Variants in PLCB1 observed in about 807,000 individuals in gnomAD.
PLCB1 encodes the protein phospholipase C beta 1, also known as 1-phosphatidylinositol 4,5-bisphosphate phosphodiesterase beta-1.
Under a neutral mutation model 161.8 loss-of-function variants are expected in PLCB1, and 46 were observed. The ratio of observed to expected loss-of-function variants is 0.28; its 90% CI spans 0.22 to 0.36. The LOEUF is 0.36. Among genes scored for constraint, PLCB1 ranks in the 10% least tolerant of loss-of-function variants. The pLI is 1.00. For synonymous variants in PLCB1, 517 were observed against 503.7 expected (o/e 1.03, Z -0.35); for missense variants, 1,016 against 1,472.5 (o/e 0.69, Z 5.07).
At chr20:8,784,049 C>G (rs1448110877) in intron 27 of PLCB1, among the ~76,000 whole-genome samples, 1 of 152,190 alleles carries the variant, frequency 6.6e-6, no homozygotes, top group African/African-American at 2.4e-5. Flanking sequence ...AGGTGTACCT[C>G]ACATCCTCTC....
chr20:8,199,211 A>T (rs2052063112), intron 2 of PLCB1, among the ~76,000 whole-genome samples: 1 of 152,068 alleles, frequency 6.6e-6, no homozygotes, highest in African/African-American at 2.4e-5. Flanking sequence ...GATGATCTGT[A>T]CCTGATTTAA....
chr20:8,489,237 T>C (rs1246673109), intron 3 of PLCB1, among the ~76,000 whole-genome samples: 1 of 152,176 alleles, frequency 6.6e-6, no homozygotes, highest in Non-Finnish European at 1.5e-5. Flanking sequence ...AGTAAACGTC[T>C]ATACACCAGA....
At chr20:8,840,274 T>C (rs1986449423) in intron 31 of PLCB1, among the ~76,000 whole-genome samples, 1 of 152,044 alleles carries the variant, frequency 6.6e-6, no homozygotes, top group Non-Finnish European at 1.5e-5. Flanking sequence ...AGTCAGCCAA[T>C]CTAGAAATAG....
In PLCB1 at chr20:8,827,888, T is replaced by C. The variant is rs73605721; in HGVS notation, c.3423+37627T>C. On this transcript the variant is annotated intron_variant, in intron 31 of 31. Coordinates refer to ENST00000338037, the MANE Select transcript of PLCB1 (RefSeq NM_015192.4). Reference sequence around the variant, plus strand: ...CAGCCATGTGCATTCTGTTATGCATTGTCTATGTGTTCACACTACAACAGC... The same window carrying C: ...CAGCCATGTGCATTCTGTTATGCATCGTCTATGTGTTCACACTACAACAGC... Among the ~76,000 whole-genome samples, 638 of 152,382 alleles carry C rather than the reference T, an allele frequency of 4.2e-3. 9 individuals carry two copies. The highest frequency in any genetic ancestry group is 0.014 in the African/African-American group (579 of 41,594).
At chr20:8,723,306 C>T (rs1271397016) in intron 15 of PLCB1, among the ~76,000 whole-genome samples, 2 of 152,120 alleles carry the variant, frequency 1.3e-5, no homozygotes, top group African/African-American at 2.4e-5. Flanking sequence ...AATTTCTGAT[C>T]AGTGATTCTA....
At chr20:8,509,763 TAGATAGATAG>T (rs1228311923) in intron 3 of PLCB1, among the ~76,000 whole-genome samples, 1 of 151,924 alleles carries the variant, frequency 6.6e-6, no homozygotes, top group Non-Finnish European at 1.5e-5. Context: ...GATAGATAGA[TAGATAGATAG>T]ATAGATAGAT....
rs531467461 is a variant in PLCB1 at position 8,401,927 on chromosome 20, T to G, written c.246+30477T>G. ...ATAATGTTTACCATAATATCTATTT[T>G]ATGTTACTCTAGATGGCTGCCAGGT... On this transcript the variant is annotated intron_variant, in intron 3 of 31. Transcript: ENST00000338037. Among the ~76,000 whole-genome samples, 10 of 152,368 alleles carry G rather than the reference T, an allele frequency of 6.6e-5. No individual in the cohort carries two copies. The South Asian group carries it at 1.7e-3, about 25-fold the overall frequency.
At chr20:8,574,684 C>A (rs891023372) in intron 3 of PLCB1, among the ~76,000 whole-genome samples, 1 of 147,970 alleles carries the variant, frequency 6.8e-6, no homozygotes, top group Non-Finnish European at 1.5e-5. Flanking sequence ...CCACTGGAAA[C>A]TGGGAGGCAT....
At chr20:8,408,252 A>G (rs949567614) in intron 3 of PLCB1, among the ~76,000 whole-genome samples, 1 of 152,090 alleles carries the variant, frequency 6.6e-6, no homozygotes, top group Admixed American at 6.5e-5. Context: ...ATAGACATCT[A>G]AAATAGTTGC....
chr20:8,247,631 C>T (rs1210295397), intron 2 of PLCB1, among the ~76,000 whole-genome samples: 5 of 150,924 alleles, frequency 3.3e-5, no homozygotes, highest in African/African-American at 1.2e-4. Flanking sequence ...CACACACACA[C>T]ATACACGCAA....
At chr20:8,533,976 T>C (rs1319527664) in intron 3 of PLCB1, among the ~76,000 whole-genome samples, 1 of 152,236 alleles carries the variant, frequency 6.6e-6, no homozygotes, top group Non-Finnish European at 1.5e-5. Context: ...TAGGTTTTCT[T>C]CTCGGGTTTT....
At position 8,228,401 on chromosome 20, in the gene PLCB1, C is replaced by T. The variant is rs138786204; in HGVS notation, c.177+78030C>T. Among the ~76,000 whole-genome samples, 1,155 of 152,194 alleles carry T rather than the reference C, an allele frequency of 7.6e-3. 8 individuals are homozygous for T. Among genetic ancestry groups the T allele is most frequent in the Non-Finnish European group, 0.011 (731 of 68,018 alleles). On this transcript the variant is annotated intron_variant, in intron 2 of 31. Transcript: ENST00000338037. ...TTCCTCTCTGTTCCTTGCCATCCAC[C>T]TATCCTTCTGGATTGCTGGAATGGC...
At chr20:8,815,764 T>A (rs1197363865) in intron 31 of PLCB1, among the ~76,000 whole-genome samples, 1 of 152,232 alleles carries the variant, frequency 6.6e-6, no homozygotes, top group African/African-American at 2.4e-5. Context: ...TATCTGCTGA[T>A]CATAAAACAA....
chr20:8,357,916 C>T (rs989190344), intron 2 of PLCB1, among the ~76,000 whole-genome samples: 1 of 142,624 alleles, frequency 7.0e-6, no homozygotes, highest in African/African-American at 2.5e-5. Flanking sequence ...TCTGCCTTGA[C>T]AAGGTAAAGT....
chr20:8,345,012 C>G (rs1035163399), intron 2 of PLCB1, among the ~76,000 whole-genome samples: 2 of 152,200 alleles, frequency 1.3e-5, no homozygotes, highest in African/African-American at 4.8e-5. Context: ...CAGGAAACTA[C>G]TCTAACCAAC....
intron 10 of PLCB1, among the ~76,000 whole-genome samples, chr20:8,693,129 G>A (rs1217224186): frequency 6.6e-6 from 1 of 152,176 alleles, no homozygotes; most frequent in Non-Finnish European, 1.5e-5. Context: ...TACCTGGATG[G>A]TAAGGGTAAA....
intron 14 of PLCB1, among the ~76,000 whole-genome samples, chr20:8,719,908 T>C (rs1202345941): frequency 6.6e-6 from 1 of 152,194 alleles, no homozygotes; most frequent in Admixed American, 6.6e-5. Context: ...TATTTTTCTG[T>C]CTCAATTGCC....
intron 3 of PLCB1, among the ~76,000 whole-genome samples, chr20:8,609,316 A>G (rs906765298): frequency 6.6e-6 from 1 of 152,212 alleles, no homozygotes; most frequent in African/African-American, 2.4e-5. Context: ...ACATGGTTCA[A>G]ACATTAATAT....
intron 31 of PLCB1, among the ~76,000 whole-genome samples, chr20:8,808,129 A>G (rs1214072595): frequency 6.6e-6 from 1 of 152,216 alleles, no homozygotes; most frequent in Non-Finnish European, 1.5e-5. Context: ...GTGGAACTGT[A>G]TGTAATTTCA....
Sources: gnomAD v4.1 joint callset for allele counts (sites outside exome capture counted in the v4.1 genomes callset) on GRCh38, gnomAD v4.1.1 for gene constraint, MANE v1.5 for transcripts, NCBI Gene and HGNC (gene_info 2026-07-23, HGNC 2026-07-21) for gene names.